Variants in EPB41L4A observed in about 807,000 individuals in gnomAD.
The protein encoded by EPB41L4A is band 4.1-like protein 4A.
A neutral mutation model predicts 108.6 loss-of-function variants in EPB41L4A; 100 were observed. The observed-to-expected ratio is 0.92, with a 90% CI of 0.78 to 1.09. The LOEUF (loss-of-function observed/expected upper bound fraction) is 1.09. EPB41L4A is among the 50% of genes least tolerant of loss of function. EPB41L4A has a pLI of 0.00. For synonymous variants in EPB41L4A, 319 were observed against 289.0 expected (o/e 1.10, Z -1.05); for missense variants, 1,030 against 842.7 (o/e 1.22, Z -2.75).
In EPB41L4A at chr5:112,233,939, C is replaced by G. The variant is rs12657795; in HGVS notation, c.1087+695G>C. Among the ~76,000 whole-genome samples, 28 of 152,182 alleles carry G rather than the reference C, an allele frequency of 1.8e-4. 1 individual carries two copies. In the East Asian group the frequency reaches 5.0e-3, roughly 27 times the overall value. ...GAATTCCTGGGCTCCAGCCATCCTC[C>G]TGCTTCAGCCTCCCAAAGCACTGAC... On this transcript the variant is annotated intron_variant, in intron 12 of 22. Coordinates refer to ENST00000261486, the MANE Select transcript of EPB41L4A (RefSeq NM_022140.5).
chr5:112,272,533 A>T (rs1283214461), intron 4 of EPB41L4A, among the ~76,000 whole-genome samples: 1 of 151,878 alleles, frequency 6.6e-6, no homozygotes, highest in Admixed American at 6.6e-5. Context: ...GGGTTACAGC[A>T]CTTTGGGAGG....
chr5:112,177,377 T>C (rs1176394068), intron 18 of EPB41L4A, among the ~76,000 whole-genome samples: 9 of 152,220 alleles, frequency 5.9e-5, no homozygotes, highest in Non-Finnish European at 1.2e-4. Context: ...AAGAAACTTA[T>C]GATTACTTTG....
At chr5:112,226,450 T>C (rs1387153349) in intron 12 of EPB41L4A, among the ~76,000 whole-genome samples, 1 of 152,190 alleles carries the variant, frequency 6.6e-6, no homozygotes, top group Non-Finnish European at 1.5e-5. Context: ...ATTGTCTGCT[T>C]AACATGAAAA....
At chr5:112,281,148 A>G (rs1752938054) in intron 2 of EPB41L4A, among the ~76,000 whole-genome samples, 1 of 152,192 alleles carries the variant, frequency 6.6e-6, no homozygotes, top group Non-Finnish European at 1.5e-5. Flanking sequence ...ATCCAGGTAA[A>G]GTCTTTAGAA....
At chr5:112,266,875 C>T (rs1038842455) in intron 4 of EPB41L4A, among the ~76,000 whole-genome samples, 5 of 152,162 alleles carry the variant, frequency 3.3e-5, no homozygotes, top group South Asian at 2.1e-4. Context: ...AAACACTACA[C>T]GGTAACTCAT....
chr5:112,380,307 C>T (rs1357862940), intron 1 of EPB41L4A, among the ~76,000 whole-genome samples: 9 of 152,180 alleles, frequency 5.9e-5, no homozygotes, highest in African/African-American at 1.9e-4. Flanking sequence ...AACGTTTCCT[C>T]TCCCCCTGCT....
intron 15 of EPB41L4A, among the ~76,000 whole-genome samples, chr5:112,197,561 AG>A (rs1200737516): frequency 6.6e-6 from 1 of 152,192 alleles, no homozygotes; most frequent in Non-Finnish European, 1.5e-5. Context: ...TACTTGCCTA[AG>A]TTTTCCATGT....
intron 1 of EPB41L4A, among the ~76,000 whole-genome samples, chr5:112,409,910 G>C (rs1762312944): frequency 6.6e-6 from 1 of 152,188 alleles, no homozygotes; most frequent in Admixed American, 6.5e-5. Context: ...GAGACTCGAA[G>C]CCAGATTTGT....
At chr5:112,256,925 G>A (rs551526185) in intron 9 of EPB41L4A, 2 of 152,116 alleles carry the variant, frequency 1.3e-5, no homozygotes, top group East Asian at 3.9e-4. Flanking sequence ...TTAGTTTTTT[G>A]TAAAAAATTA....
chr5:112,372,483 C>T (rs1376480083), intron 1 of EPB41L4A, among the ~76,000 whole-genome samples: 2 of 152,122 alleles, frequency 1.3e-5, no homozygotes, highest in African/African-American at 4.8e-5. Flanking sequence ...AAGGCTCTGT[C>T]TGAGAAGATA....
In EPB41L4A at chr5:112,188,916, G is replaced by C. The variant is rs191880117; in HGVS notation, c.1503-4781C>G. Reference sequence around the variant, plus strand: ...ATCCTACCAAAATTGTGATCTTCTAGATTTGCCCTAGTCAGATATATTGTC... The same window carrying C: ...ATCCTACCAAAATTGTGATCTTCTACATTTGCCCTAGTCAGATATATTGTC... On this transcript the variant is annotated intron_variant, in intron 17 of 22. Coordinates refer to ENST00000261486, the MANE Select transcript of EPB41L4A (RefSeq NM_022140.5). 5.7e-3 allele frequency among the ~76,000 whole-genome samples: 875 copies of C among 152,280 alleles called. 12 individuals carry two copies. The highest frequency in any genetic ancestry group is 0.019 in the African/African-American group (785 of 41,550).
At chr5:112,341,351 A>G (rs1166982989) in intron 1 of EPB41L4A, among the ~76,000 whole-genome samples, 1 of 152,180 alleles carries the variant, frequency 6.6e-6, no homozygotes, top group African/African-American at 2.4e-5. Flanking sequence ...TCTCATAACC[A>G]GTTCTTCAAT....
exon 14 of EPB41L4A, chr5:112,142,932 G>A (rs959428612): frequency 1.3e-5 from 2 of 152,042 alleles, no homozygotes; most frequent in Admixed American, 1.3e-4. Flanking sequence ...AAGTAGTTGC[G>A]TGCCAGTGCC....
intron 2 of EPB41L4A, among the ~76,000 whole-genome samples, chr5:112,298,776 T>C (rs1467909729): frequency 6.6e-6 from 1 of 152,222 alleles, no homozygotes; most frequent in Non-Finnish European, 1.5e-5. Flanking sequence ...CATCTGGTCC[T>C]GGACTTTTTC....
intron 2 of EPB41L4A, among the ~76,000 whole-genome samples, chr5:112,296,990 TACACACACACAC>T (rs10542487): frequency 6.7e-6 from 1 of 148,880 alleles, no homozygotes; most frequent in African/African-American, 2.5e-5. Context: ...TATACATACA[TACACACACACAC>T]ACACACACAC....
Position 112,212,288 on chromosome 5 carries a change from G to GTT in EPB41L4A, c.1088-2308_1088-2307dup, listed in dbSNP as rs747980822. Among the ~76,000 whole-genome samples the GTT allele has an allele frequency of 3.6e-4, 50 of 139,830 alleles. 1 individual carries two copies. Among genetic ancestry groups the GTT allele is most frequent in the Admixed American group, 1.8e-3 (26 of 14,060 alleles). The allele number at this position is 139,830 out of a possible 152,430, so 91.7% of individuals were successfully genotyped here. On this transcript the variant is annotated intron_variant, in intron 12 of 22. Transcript: ENST00000261486. Reference sequence around the variant, plus strand: ...CAGTAGGTGTGCCCTACCATTAGTTGTTTTTGTTTTTTTTTTTCTCCTGAG... The same window carrying GTT: ...CAGTAGGTGTGCCCTACCATTAGTTGTTTTTTTGTTTTTTTTTTTCTCCTGAG...
intron 12 of EPB41L4A, among the ~76,000 whole-genome samples, chr5:112,224,976 T>G (rs1254351456): frequency 6.6e-6 from 1 of 152,254 alleles, no homozygotes; most frequent in Non-Finnish European, 1.5e-5. Context: ...CTTCTTCCTT[T>G]TTCTGACCCA....
Position 112,262,410 on chromosome 5 carries a change from CA to C in EPB41L4A, c.642+83del, listed in dbSNP as rs1751558741. 3.6e-6 allele frequency: 4 copies of C among 1,110,136 alleles called. 1 individual carries two copies. The East Asian group carries it at 9.5e-5, about 26-fold the overall frequency. The allele number at this position is 1,110,136 out of a possible 1,614,324, so 68.8% of individuals were successfully genotyped here. On this transcript the variant is annotated intron_variant, in intron 7 of 22. Transcript: ENST00000261486. ...ATCTGCTTGCTAAACAACAGGACTG[CA>C]GCTTTCCTTTGGGAGTCTCAGTGAC... is the stretch of plus-strand genomic sequence containing the variant.
chr5:112,296,804 T>C (rs1392647323), intron 2 of EPB41L4A, among the ~76,000 whole-genome samples: 4 of 152,142 alleles, frequency 2.6e-5, no homozygotes, highest in Non-Finnish European at 5.9e-5. Context: ...GTATCATTCT[T>C]ATGCCTTTGC....
Sources: allele counts gnomAD v4.1 joint callset (sites outside exome capture counted in the v4.1 genomes callset), GRCh38; gene constraint gnomAD v4.1.1; transcripts MANE v1.5; gene names NCBI Gene and HGNC (gene_info 2026-07-23, HGNC 2026-07-21).